The following MYLK2 variants were observed in gnomAD, a reference collection of about 807,000 sequenced individuals.
MYLK2 encodes the protein myosin light chain kinase 2, skeletal/cardiac muscle.
Under a neutral mutation model 58.2 loss-of-function variants are expected in MYLK2, and 27 were observed. That is an observed-to-expected ratio of 0.46 (90% CI 0.34 to 0.64). The LOEUF is 0.64. Among genes scored for constraint, MYLK2 ranks in the 30% least tolerant of loss-of-function variants. The pLI is 0.01. For missense variants in MYLK2, 676 were observed against 764.3 expected (o/e 0.88, Z 1.36); for synonymous variants, 310 against 296.7 (o/e 1.04, Z -0.46).
intron 8 of MYLK2, chr20:31,828,417 A>G (rs2062290668): frequency 1.3e-5 from 13 of 985,258 alleles, no homozygotes; most frequent in Non-Finnish European, 1.4e-5. Flanking sequence ...CATTCATTCC[A>G]TAAGCATATG....
At chr20:31,830,752 C>A in intron 8 of MYLK2, 67 bp from the exon 9 acceptor site, 1 of 1,541,858 alleles carries the variant, frequency 6.5e-7, no homozygotes. Context: ...GGGGTTTGCA[C>A]GGGCCTGGTG....
intron 2 of MYLK2, among the ~76,000 whole-genome samples, 172 bp from the exon 3 acceptor site, chr20:31,819,954 C>T (rs557969382): frequency 2.0e-5 from 3 of 152,314 alleles, no homozygotes; most frequent in South Asian, 2.1e-4. Context: ...CCTCCAAGGT[C>T]GTGGCAGCTC....
chr20:31,828,701 T>G, intron 8 of MYLK2: 1 of 985,470 alleles, frequency 1.0e-6, no homozygotes, highest in Non-Finnish European at 1.2e-6. Context: ...TTGCCGCCTC[T>G]AACACCTGTC....
intron 6 of MYLK2, chr20:31,824,592 T>C (rs1198047884): frequency 1.0e-6 from 1 of 982,714 alleles, no homozygotes; most frequent in Non-Finnish European, 1.2e-6. Flanking sequence ...CTTTTAGGCA[T>C]GGGATATTCA....
Position 31,821,432 on chromosome 20 carries a change from C to T in MYLK2, c.474-7C>T, listed in dbSNP as rs773417120. ...GAGGGCTTCACCTCTGTGTTCTCAC[C>T]TTCTAGTTCTGAGAAGCTGCTGGCC... On this transcript the variant is annotated splice_region_variant and splice_polypyrimidine_tract_variant and intron_variant, in intron 3 of 12. Coordinates refer to ENST00000375985, the MANE Select transcript of MYLK2 (RefSeq NM_033118.4). The T allele has an allele frequency of 2.6e-5, 42 of 1,612,974 alleles. No individual in the cohort carries two copies. Among genetic ancestry groups the T allele is most frequent in the Non-Finnish European group, 3.3e-5 (39 of 1,180,038 alleles).
rs1409911048 is a variant in MYLK2 at position 31,826,827 on chromosome 20, T to C, written c.1113T>C (p.Ile371=). 6.2e-7 allele frequency: 1 copy of C among 1,613,974 alleles called. No homozygotes were observed. The highest frequency in any genetic ancestry group is 2.2e-5 in the East Asian group (1 of 44,886). Residue 371 remains isoleucine (I), a synonymous_variant, in exon 8 of 13, where the codon ATT becomes ATC. Transcript: ENST00000375985. ...YIEGGELFER[I]VDEDYHLTEV... is the part of the protein sequence containing the mutation. ...AGGGCGGAGAGCTCTTCGAGAGGATTGTGGATGAGGACTACCATCTGACCG... is the reference window on the plus strand; with the variant it reads ...AGGGCGGAGAGCTCTTCGAGAGGATCGTGGATGAGGACTACCATCTGACCG...
chr20:31,824,234 C>G (rs1568629837), intron 5 of MYLK2, 25 bp from the exon 6 acceptor site: 2 of 1,609,470 alleles, frequency 1.2e-6, no homozygotes, highest in East Asian at 4.5e-5. Flanking sequence ...GGGGTCCCCT[C>G]ACTTACAGCC....
Position 31,832,128 on chromosome 20 carries a change from C to T in MYLK2, c.1702C>T (p.Arg568Cys), listed in dbSNP as rs772716379. The change falls in exon 12 of 13, where the codon CGC (arginine) becomes TGC (cysteine). Residue 568 changes from arginine to cysteine, a missense_variant. By Grantham distance (180) the Arg-to-Cys change is radical. Transcript: ENST00000375985. ...GCTTAAGAAATACCTCATGAAGAGG[C>T]GCTGGAAGGTACCGCTGGATTCAGG... ...ILLKKYLMKR[R>C]WKKNFIAVSA... 85 of 1,574,080 alleles carry T rather than the reference C, an allele frequency of 5.4e-5. No homozygotes were observed. The highest frequency in any genetic ancestry group is 4.3e-4 in the Admixed American group (25 of 58,474).
chr20:31,830,095 C>T (rs1193149200), intron 8 of MYLK2, among the ~76,000 whole-genome samples: 5 of 152,176 alleles, frequency 3.3e-5, no homozygotes, highest in Admixed American at 6.5e-5. Flanking sequence ...CTGGCTCCGT[C>T]GCTTACTTGC....
intron 12 of MYLK2, among the ~76,000 whole-genome samples, chr20:31,832,897 T>G (rs958036583): frequency 2.6e-5 from 4 of 151,942 alleles, no homozygotes; most frequent in Non-Finnish European, 5.9e-5. Flanking sequence ...TTTATTTTTA[T>G]TTTTTTTAGA....
At chr20:31,831,585 G>A in intron 10 of MYLK2, 118 bp from the exon 11 acceptor site, 1 of 1,195,936 alleles carries the variant, frequency 8.4e-7, no homozygotes, top group Non-Finnish European at 1.2e-6. Flanking sequence ...CGAGAGGCTG[G>A]GGGTCTTTTC....
In MYLK2 at chr20:31,819,578, C is replaced by T. The variant is rs1452504056; in HGVS notation, c.-3C>T. On this transcript the variant is annotated 5_prime_UTR_variant, in exon 2 of 13. Coordinates refer to ENST00000375985, the MANE Select transcript of MYLK2 (RefSeq NM_033118.4). ...CAAGCAGCAGCACACGCCTCCCTACCTCATGGCGACAGAAAATGGAGCAGT... is the reference window on the plus strand; with the variant it reads ...CAAGCAGCAGCACACGCCTCCCTACTTCATGGCGACAGAAAATGGAGCAGT... 6.6e-5 allele frequency: 103 copies of T among 1,551,452 alleles called. No individual in the cohort carries two copies. Among genetic ancestry groups the T allele is most frequent in the Non-Finnish European group, 8.8e-5 (101 of 1,147,016 alleles).
At chr20:31,827,873 G>C (rs1034461902) in intron 8 of MYLK2, among the ~76,000 whole-genome samples, 2 of 138,056 alleles carry the variant, frequency 1.4e-5, no homozygotes, top group Admixed American at 7.3e-5. Flanking sequence ...GTCAGGAAGA[G>C]CAGATCTGCT....
At position 31,824,113 on chromosome 20, in the gene MYLK2, G is replaced by A. The variant is rs2062266310; in HGVS notation, c.879-146G>A. On this transcript the variant is annotated intron_variant, in intron 5 of 12. Transcript: ENST00000375985. ...GCTCACAGCTTCAGGAGGGAGTCAG[G>A]GCTGGCTGGGGTGAGTGCTCCCATC... 3.3e-6 allele frequency: 5 copies of A among 1,515,378 alleles called. No individual in the cohort carries two copies. In the Admixed American group the frequency reaches 6.0e-5, roughly 18 times the overall value. The allele number at this position is 1,515,378 out of a possible 1,614,324, so 93.9% of individuals were successfully genotyped here.
In MYLK2 at chr20:31,833,729, G is replaced by A; in HGVS notation, c.1723G>A (p.Ala575Thr). Reference sequence around the variant, plus strand: ...TTCTGCCCTCTAGAAAAACTTCATTGCTGTCAGCGCTGCCAACCGCTTCAA... The same window carrying A: ...TTCTGCCCTCTAGAAAAACTTCATTACTGTCAGCGCTGCCAACCGCTTCAA... The part of the protein sequence containing the change: ...MKRRWKKNFI[A>T]VSAANRFKKI... Residue 575 changes from alanine to threonine, a missense_variant, in exon 13 of 13, where the codon GCT becomes ACT. Around this residue, in one of 2 missense-constraint regions of MYLK2, gnomAD observed 370 missense variants for 467.8 expected, o/e 0.79. Coordinates refer to ENST00000375985, the MANE Select transcript of MYLK2 (RefSeq NM_033118.4). The A allele has an allele frequency of 6.2e-7, 1 of 1,613,966 alleles. No homozygotes were observed.
chr20:31,823,857 A>T, intron 5 of MYLK2: 1 of 796,754 alleles, frequency 1.3e-6, no homozygotes, highest in Non-Finnish European at 1.5e-6. Context: ...TCCAGGCACC[A>T]CACTGACCCC....
At chr20:31,823,609 C>T (rs1374821288) in intron 5 of MYLK2, 27 bp downstream of exon 5, 3 of 1,604,396 alleles carry the variant, frequency 1.9e-6, no homozygotes, top group Non-Finnish European at 2.6e-6. Context: ...CAGCTGGGCA[C>T]TCATGGACAG....
chr20:31,820,150 G>A lies in MYLK2; in HGVS notation c.77G>A (p.Gly26Asp), dbSNP rs765105352. The change falls in exon 3 of 13, where the codon GGT becomes GAT. Residue 26 changes from glycine (G) to aspartate (D), a missense_variant. By Grantham distance (94) the Gly-to-Asp change is moderately conservative. Around this residue, in one of 2 missense-constraint regions of MYLK2, gnomAD observed 306 missense variants for 296.5 expected, o/e 1.03. Coordinates refer to ENST00000375985, the MANE Select transcript of MYLK2 (RefSeq NM_033118.4). ...GACAAGGCACCTAAAGGTCCCACAGGTGAAAGACCCCTGGCTGCAGGGAAA... is the reference window on the plus strand; with the variant it reads ...GACAAGGCACCTAAAGGTCCCACAGATGAAAGACCCCTGGCTGCAGGGAAA... The part of the protein sequence containing the change: ...STDKAPKGPT[G>D]ERPLAAGKDP... The A allele has an allele frequency of 2.5e-6, 4 of 1,613,796 alleles. No homozygotes were observed. In the African/African-American group the frequency reaches 5.3e-5, roughly 22 times the overall value.
Position 31,831,756 on chromosome 20 carries a change from A to G in MYLK2, c.1478A>G (p.Asn493Ser), listed in dbSNP as rs1469781019. 4 of 1,613,904 alleles carry G rather than the reference A, an allele frequency of 2.5e-6. No individual in the cohort carries two copies. The highest frequency in any genetic ancestry group is 2.2e-5 in the South Asian group (2 of 91,060). ...LGDDDTETLNNVLSGNWYFDE... is the reference protein window; with the variant it reads ...LGDDDTETLNSVLSGNWYFDE... Reference sequence around the variant, plus strand: ...GATGATGACACAGAGACCCTAAACAACGTTCTATCTGGCAACTGGTACTTT... The same window carrying G: ...GATGATGACACAGAGACCCTAAACAGCGTTCTATCTGGCAACTGGTACTTT... The change falls in exon 11 of 13, where the codon AAC becomes AGC. Residue 493 changes from asparagine (N) to serine (S), a missense_variant. Physicochemically the swap from Asn to Ser is conservative, Grantham distance 46. Coordinates refer to ENST00000375985, the MANE Select transcript of MYLK2 (RefSeq NM_033118.4).
Sources: gnomAD v4.1 joint callset for allele counts (sites outside exome capture counted in the v4.1 genomes callset) on GRCh38, gnomAD v4.1.1 for gene constraint, gnomAD v4.1.1 regional missense constraint, MANE v1.5 for transcripts, NCBI Gene and HGNC (gene_info 2026-07-23, HGNC 2026-07-21) for gene names.